Variants in C1orf116 observed in about 807,000 individuals in gnomAD.
The protein encoded by C1orf116 is specifically androgen-regulated gene protein.
Under a neutral mutation model 14.1 loss-of-function variants are expected in C1orf116, and 12 were observed. That is an observed-to-expected ratio of 0.85 (90% CI 0.54 to 1.38). C1orf116 has a LOEUF of 1.38. Ranked by LOEUF, C1orf116 falls within the 40% of genes most tolerant of loss-of-function variation. The pLI, the probability that C1orf116 is intolerant of heterozygous loss-of-function variation, is 0.00. For missense variants in C1orf116, 797 were observed against 747.0 expected (o/e 1.07, Z -0.78); for synonymous variants, 296 against 299.0 (o/e 0.99, Z 0.10).
rs1681925367 is a variant in C1orf116 at position 207,022,730 on chromosome 1, TTTCTC to T, written c.1029_1033del (p.Arg344SerfsTer3). On this transcript the variant is annotated frameshift_variant, in exon 4 of 4. Coordinates refer to ENST00000359470, the MANE Select transcript of C1orf116 (RefSeq NM_023938.6). LOFTEE classifies it low-confidence loss of function (END_TRUNC). ...CTTCTCTAGAGCTTCTTTACGTGCT[TTTCTC>T]TGCTCTTGCAGTGAACAGGAGATCA... 1 of 1,614,180 alleles carries T rather than the reference TTTCTC, an allele frequency of 6.2e-7. No individual in the cohort carries two copies. Among genetic ancestry groups the T allele is most frequent in the Non-Finnish European group, 8.5e-7 (1 of 1,180,036 alleles).
chr1:207,024,254 A>G (rs1681983970), intron 3 of C1orf116, among the ~76,000 whole-genome samples: 1 of 152,236 alleles, frequency 6.6e-6, no homozygotes, highest in African/African-American at 2.4e-5. Context: ...CTACTTGTTA[A>G]TAAATATTTG....
At position 207,018,765 on chromosome 1, in the gene C1orf116, G is replaced by C. The variant is rs1180260835; in HGVS notation, c.*3193C>G. 6.6e-6 allele frequency: 1 copy of C among 152,216 alleles called. No individual in the cohort carries two copies. Among genetic ancestry groups the C allele is most frequent in the Non-Finnish European group, 1.5e-5 (1 of 68,070 alleles). 9.4% of individuals were successfully genotyped at this position (152,216 alleles called of 1,614,324 possible). ...TCACTCTCCTGGGGAAAAGAGCCTAGATGTGTTCTATCTGCATTCCTGCTT... is the reference window on the plus strand; with the variant it reads ...TCACTCTCCTGGGGAAAAGAGCCTACATGTGTTCTATCTGCATTCCTGCTT... On this transcript the variant is annotated 3_prime_UTR_variant, in exon 4 of 4. Coordinates refer to ENST00000359470, the MANE Select transcript of C1orf116 (RefSeq NM_023938.6).
At chr1:207,029,466 T>G (rs1333138866) in intron 1 of C1orf116, among the ~76,000 whole-genome samples, 1 of 152,080 alleles carries the variant, frequency 6.6e-6, no homozygotes, top group African/African-American at 2.4e-5. Context: ...GATGCCCAAG[T>G]TCAGGGAGGA....
rs1189920543 is a variant in C1orf116 at position 207,027,508 on chromosome 1, T to G, written c.91A>C (p.Thr31Pro). The part of the protein sequence containing the change: ...SCDSMMSSTS[T>P]RSGSSDSSYD... ...GTATTACGTACAGATCCAGAGCGGGTGGAGGTGCTGCTCATCATGCTGTCA... is the reference window on the plus strand; with the variant it reads ...GTATTACGTACAGATCCAGAGCGGGGGGAGGTGCTGCTCATCATGCTGTCA... The change falls in exon 2 of 4, where the codon ACC becomes CCC. Residue 31 changes from threonine to proline, a missense_variant. By Grantham distance (38) the Thr-to-Pro change is conservative. Transcript: ENST00000359470. 4 of 1,613,392 alleles carry G rather than the reference T, an allele frequency of 2.5e-6. No individual in the cohort carries two copies. The highest frequency in any genetic ancestry group is 3.4e-6 in the Non-Finnish European group (4 of 1,179,952).
intron 1 of C1orf116, among the ~76,000 whole-genome samples, chr1:207,029,225 C>T (rs1379426422): frequency 6.6e-6 from 1 of 151,878 alleles, no homozygotes; most frequent in African/African-American, 2.4e-5. Context: ...GGAGAGATCC[C>T]TAGTGAGCCA....
In C1orf116 at chr1:207,022,751, C is replaced by T. The variant is rs780022265; in HGVS notation, c.1013G>A (p.Cys338Tyr). 2.5e-6 allele frequency: 4 copies of T among 1,614,088 alleles called. No individual in the cohort carries two copies. In the African/African-American group the frequency reaches 4.0e-5, roughly 16 times the overall value. Reference sequence around the variant, plus strand: ...TGCTTTTCTCTGCTCTTGCAGTGAACAGGAGATCAGGCCAGAATCTCCAGG... The same window carrying T: ...TGCTTTTCTCTGCTCTTGCAGTGAATAGGAGATCAGGCCAGAATCTCCAGG... ...AAPGDSGLIS[C>Y]SLQEQRKARK... The change falls in exon 4 of 4, where the codon TGT becomes TAT. Residue 338 changes from cysteine (C) to tyrosine (Y), a missense_variant. By Grantham distance (194) the Cys-to-Tyr change is radical. Coordinates refer to ENST00000359470, the MANE Select transcript of C1orf116 (RefSeq NM_023938.6).
intron 1 of C1orf116, among the ~76,000 whole-genome samples, chr1:207,029,402 C>T (rs1261276977): frequency 1.3e-5 from 2 of 152,142 alleles, no homozygotes; most frequent in Non-Finnish European, 2.9e-5. Flanking sequence ...GAAACAGGAA[C>T]ATGAGAAATC....
rs1416637770 is a variant in C1orf116 at position 207,018,734 on chromosome 1, C to CCTGGGGAG, written c.*3223_*3224insCTCCCCAG. ...TGAATTTGAGCCAGATCTATATGCT[C>CCTGGGGAG]CATCATCACTCTCCTGGGGAAAAGA... On this transcript the variant is annotated 3_prime_UTR_variant, in exon 4 of 4. Coordinates refer to ENST00000359470, the MANE Select transcript of C1orf116 (RefSeq NM_023938.6). The CCTGGGGAG allele has an allele frequency of 6.6e-6, 1 of 152,132 alleles. No homozygotes were observed. Among genetic ancestry groups the CCTGGGGAG allele is most frequent in the Admixed American group, 6.5e-5 (1 of 15,274 alleles). 9.4% of individuals were successfully genotyped at this position (152,132 alleles called of 1,614,324 possible).
rs141100386 is a variant in C1orf116, at chr1:207,028,363, G to A, written c.-81-684C>T. On this transcript the variant is annotated intron_variant, in intron 1 of 3. Coordinates refer to ENST00000359470, the MANE Select transcript of C1orf116 (RefSeq NM_023938.6). Reference sequence around the variant, plus strand: ...TACCTACCTCATGGGGTTATTGTGAGAACGTTTAAAACACTTTGCACAGAG... The same window carrying A: ...TACCTACCTCATGGGGTTATTGTGAAAACGTTTAAAACACTTTGCACAGAG... Among the ~76,000 whole-genome samples, 24 of 152,318 alleles carry A rather than the reference G, an allele frequency of 1.6e-4. No homozygotes were observed. The East Asian group carries it at 4.6e-3, about 29-fold the overall frequency.
rs1681807792 is a variant in C1orf116 at position 207,020,501 on chromosome 1, G to C, written c.*1457C>G. 1 of 152,090 alleles carries C rather than the reference G, an allele frequency of 6.6e-6. No individual in the cohort carries two copies. Among genetic ancestry groups the C allele is most frequent in the Non-Finnish European group, 1.5e-5 (1 of 68,034 alleles). The allele number at this position is 152,090 out of a possible 1,614,324, so 9.4% of individuals were successfully genotyped here. ...ATTTACTTCCTAAGGGGAAGCAGGA[G>C]TCATGTCTGGCCATGTCTCACCTCC... On this transcript the variant is annotated 3_prime_UTR_variant, in exon 4 of 4. Coordinates refer to ENST00000359470, the MANE Select transcript of C1orf116 (RefSeq NM_023938.6).
chr1:207,022,499 T>C lies in C1orf116; in HGVS notation c.1265A>G (p.Gln422Arg), dbSNP rs778120198. 6.2e-7 allele frequency: 1 copy of C among 1,614,164 alleles called. No homozygotes were observed. The highest frequency in any genetic ancestry group is 8.5e-7 in the Non-Finnish European group (1 of 1,180,004). ...TGGAGACTTCATTGGCAAAGGTCCC[T>C]GAGCTGGACCTGGAGCTGGAGCCGG... is the stretch of plus-strand genomic sequence containing the variant. ...QAPAPAPGPA[Q>R]GPLPMKSPAP... The change falls in exon 4 of 4, where the codon CAG (glutamine) becomes CGG (arginine). Residue 422 changes from glutamine (Q) to arginine (R), a missense_variant. Transcript: ENST00000359470.
At chr1:207,030,081 A>G (rs1224064854) in intron 1 of C1orf116, among the ~76,000 whole-genome samples, 1 of 152,188 alleles carries the variant, frequency 6.6e-6, no homozygotes, top group African/African-American at 2.4e-5. Context: ...GCTGGAAGAG[A>G]TAAAAGTGGT....
Position 207,020,402 on chromosome 1 carries a change from C to G in C1orf116, c.*1556G>C, listed in dbSNP as rs1681802924. The G allele has an allele frequency of 6.6e-6, 1 of 152,214 alleles. No homozygotes were observed. Among genetic ancestry groups the G allele is most frequent in the South Asian group, 2.1e-4 (1 of 4,834 alleles). 9.4% of individuals were successfully genotyped at this position (152,214 alleles called of 1,614,324 possible). On this transcript the variant is annotated 3_prime_UTR_variant, in exon 4 of 4. Coordinates refer to ENST00000359470, the MANE Select transcript of C1orf116 (RefSeq NM_023938.6). ...CTCAGCAGCCTTAAAAGGCACCTTT[C>G]CAGCAACATTCCCTTCATCTGCCCC... is the stretch of plus-strand genomic sequence containing the variant.
At chr1:207,025,157 T>G (rs1413310268) in intron 2 of C1orf116, 93 bp from the exon 3 acceptor site, 118 of 939,792 alleles carry the variant, frequency 1.3e-4, no homozygotes, top group Non-Finnish European at 1.7e-4. Context: ...GAGAAAGCGC[T>G]CCCTCCGCAG....
At position 207,024,944 on chromosome 1, in the gene C1orf116, G is replaced by T; in HGVS notation, c.226C>A (p.Pro76Thr). ...CGGAAACCTCTGGGAGTTGTGGCTG[G>T]CTCAGACTCGTCAGTGGACAGTCCG... is the stretch of plus-strand genomic sequence containing the variant. ...DSGLSTDESE[P>T]ATTPRGFRAL... is the part of the protein sequence containing the mutation. The change falls in exon 3 of 4, where the codon CCA becomes ACA. Residue 76 changes from proline to threonine, a missense_variant. By Grantham distance (38) the Pro-to-Thr change is conservative. Coordinates refer to ENST00000359470, the MANE Select transcript of C1orf116 (RefSeq NM_023938.6). The T allele has an allele frequency of 6.2e-7, 1 of 1,614,130 alleles. No individual in the cohort carries two copies.
chr1:207,023,072 T>A lies in C1orf116; in HGVS notation c.692A>T (p.His231Leu). ...PGQQGHTPQLHTPSSSQEREQ... is the reference protein window; with the variant it reads ...PGQQGHTPQLLTPSSSQEREQ... ...TCTTTCCTGGGAGCTGGATGGTGTG[T>A]GGAGCTGGGGTGTGTGGCCCTGCTG... Residue 231 changes from histidine (H) to leucine (L), a missense_variant, in exon 4 of 4, where the codon CAC (histidine) becomes CTC (leucine). Transcript: ENST00000359470. 6.2e-7 allele frequency: 1 copy of A among 1,612,856 alleles called. No individual in the cohort carries two copies. The highest frequency in any genetic ancestry group is 8.5e-7 in the Non-Finnish European group (1 of 1,180,018).
intron 1 of C1orf116, among the ~76,000 whole-genome samples, chr1:207,031,793 GAACTCT>G (rs1466776598): frequency 6.6e-6 from 1 of 152,156 alleles, no homozygotes; most frequent in Non-Finnish European, 1.5e-5. Flanking sequence ...GCCCCACTTG[GAACTCT>G]AACTAGACTT....
rs749764904 is a variant in C1orf116 at position 207,022,760 on chromosome 1, A to G, written c.1004T>C (p.Leu335Pro). 3 of 1,614,214 alleles carry G rather than the reference A, an allele frequency of 1.9e-6. No homozygotes were observed. The East Asian group carries it at 6.7e-5, about 36-fold the overall frequency. ...CTGCTCTTGCAGTGAACAGGAGATC[A>G]GGCCAGAATCTCCAGGGGCAGCCTC... ...HTEAAPGDSG[L>P]ISCSLQEQRK... Residue 335 changes from leucine to proline, a missense_variant, in exon 4 of 4, where the codon CTG becomes CCG. Leu to Pro is a moderately conservative substitution (Grantham distance 98). Coordinates refer to ENST00000359470, the MANE Select transcript of C1orf116 (RefSeq NM_023938.6).
Position 207,023,147 on chromosome 1 carries a change from TC to T in C1orf116, c.616del (p.Asp206ThrfsTer85), listed in dbSNP as rs1681944840. 6.2e-7 allele frequency: 1 copy of T among 1,611,798 alleles called. No homozygotes were observed. Among genetic ancestry groups the T allele is most frequent in the African/African-American group, 1.3e-5 (1 of 74,794 alleles). ...VLIPPPEAFR[D>X]TQPEQCREAS... is the part of the protein sequence containing the mutation. ...TTCCCTACACTGCTCTGGCTGGGTG[TC>T]CCGGAAAGCTTCTGGCGGAGGGATG... On this transcript the variant is annotated frameshift_variant, in exon 4 of 4. Transcript: ENST00000359470. LOFTEE classifies it low-confidence loss of function (END_TRUNC).
Sources: allele counts gnomAD v4.1 joint callset (sites outside exome capture counted in the v4.1 genomes callset), GRCh38; gene constraint gnomAD v4.1.1; transcripts MANE v1.5; gene names NCBI Gene and HGNC (gene_info 2026-07-23, HGNC 2026-07-21).